Variants in NDC1 observed in about 807,000 individuals in gnomAD.
NDC1 encodes the protein nucleoporin NDC1.
NDC1 carries 24 observed loss-of-function variants against 89.8 expected under a neutral mutation model. The observed-to-expected ratio is 0.27, with a 90% CI of 0.19 to 0.38. The LOEUF (loss-of-function observed/expected upper bound fraction) is 0.38. Among genes scored for constraint, NDC1 ranks in the 10% least tolerant of loss-of-function variants. The pLI, the probability that NDC1 is intolerant of heterozygous loss-of-function variation, is 1.00. For missense variants in NDC1, 728 were observed against 797.6 expected, an observed-to-expected ratio of 0.91 and a Z score of 1.05; for synonymous variants, 296 against 284.8, an observed-to-expected ratio of 1.04 and a Z score of -0.39.
At chr1:53,823,048 GTCT>G (rs1648728278) in intron 5 of NDC1, among the ~76,000 whole-genome samples, 1 of 152,058 alleles carries the variant, frequency 6.6e-6, no homozygotes, top group African/African-American at 2.4e-5. Flanking sequence ...CTCCCTCTTA[GTCT>G]TCTCGGGAGG....
intron 1 of NDC1, 105 bp downstream of exon 1, chr1:53,838,100 G>A: frequency 6.7e-6 from 7 of 1,042,830 alleles, no homozygotes; most frequent in Non-Finnish European, 9.7e-6. Context: ...TTCTCTCCAC[G>A]CTGCCCCGGG....
intron 6 of NDC1, among the ~76,000 whole-genome samples, chr1:53,818,397 C>T (rs908584472): frequency 4.6e-5 from 7 of 151,106 alleles, no homozygotes; most frequent in Non-Finnish European, 8.8e-5. Context: ...GCCAAGATCG[C>T]GCCATTACGC....
chr1:53,789,081 AATATT>A, intron 15 of NDC1, 47 bp downstream of exon 15: 3 of 1,158,984 alleles, frequency 2.6e-6, no homozygotes, highest in Non-Finnish European at 3.9e-6. Flanking sequence ...ATTATACTTC[AATATT>A]TAACTGACAA....
rs763801270 is a variant in NDC1 at position 53,767,922 on chromosome 1, A to G, written c.*48T>C. ...AAGAATGCTGAACATTTACTGTCCC[A>G]TCTGTAGTTGTATCAGCAGTGTAAT... On this transcript the variant is annotated 3_prime_UTR_variant, in exon 18 of 18. Coordinates refer to ENST00000371429, the MANE Select transcript of NDC1 (RefSeq NM_018087.5). 1.7e-6 allele frequency: 2 copies of G among 1,145,962 alleles called. No individual in the cohort carries two copies. Among genetic ancestry groups the G allele is most frequent in the Non-Finnish European group, 2.5e-6 (2 of 784,648 alleles). The allele number at this position is 1,145,962 out of a possible 1,614,324, so 71.0% of individuals were successfully genotyped here. A position where few individuals can be genotyped will look rare whatever the true frequency, so the allele number is the denominator to read the frequency against.
intron 5 of NDC1, among the ~76,000 whole-genome samples, chr1:53,823,854 T>A (rs948371176): frequency 2.6e-5 from 4 of 152,144 alleles, no homozygotes; most frequent in Admixed American, 2.6e-4. Flanking sequence ...TCCTTTTCAG[T>A]GGGCACCATC....
chr1:53,837,741 G>A (rs369685686), intron 1 of NDC1, among the ~76,000 whole-genome samples: 12 of 152,248 alleles, frequency 7.9e-5, no homozygotes, highest in African/African-American at 2.9e-4. Context: ...CTTTAAGGAG[G>A]AAGTACTATT....
chr1:53,834,120 C>T (rs745475973), intron 2 of NDC1, among the ~76,000 whole-genome samples: 5 of 152,212 alleles, frequency 3.3e-5, no homozygotes, highest in Non-Finnish European at 7.3e-5. Context: ...TACTAAGCAT[C>T]TACAATTAAA....
intron 5 of NDC1, among the ~76,000 whole-genome samples, chr1:53,824,071 C>T (rs1246164051): frequency 6.6e-6 from 1 of 151,428 alleles, no homozygotes; most frequent in African/African-American, 2.4e-5. Context: ...CCCCACTCTA[C>T]AAAAAATACA....
At position 53,838,222 on chromosome 1, in the gene NDC1, G is replaced by A. The variant is rs1459859746; in HGVS notation, c.40C>T (p.Arg14Trp). The change falls in exon 1 of 18, where the codon CGG (arginine) becomes TGG (tryptophan). Residue 14 changes from arginine to tryptophan, a missense_variant. Arg to Trp is a moderately radical substitution (Grantham distance 101). Coordinates refer to ENST00000371429, the MANE Select transcript of NDC1 (RefSeq NM_018087.5). The stretch of plus-strand genomic sequence containing the variant: ...GCACTCACGCGCCACAGTATGTCCC[G>A]CGACCTGCCGGCGCAGGGCCGGCTC... ...AVSRPCAGRS[R>W]DILWRVLGWR... 3 of 1,535,920 alleles carry A rather than the reference G, an allele frequency of 2.0e-6. No individual in the cohort carries two copies. The highest frequency in any genetic ancestry group is 2.6e-6 in the Non-Finnish European group (3 of 1,145,948).
At chr1:53,804,356 T>C (rs1296743510) in intron 9 of NDC1, among the ~76,000 whole-genome samples, 1 of 152,244 alleles carries the variant, frequency 6.6e-6, no homozygotes. Context: ...CATCATGTAT[T>C]GTAATTGAAT....
chr1:53,818,692 AC>A (rs1391737431), intron 6 of NDC1, among the ~76,000 whole-genome samples: 1 of 152,154 alleles, frequency 6.6e-6, no homozygotes, highest in Non-Finnish European at 1.5e-5. Context: ...GGCTTATTTC[AC>A]TTAGCGTAAT....
intron 17 of NDC1, chr1:53,771,041 T>A (rs1570149617): frequency 6.5e-6 from 1 of 153,952 alleles, no homozygotes; most frequent in Admixed American, 6.5e-5. Context: ...CTGCTATTTA[T>A]CCAGCCACTG....
intron 11 of NDC1, among the ~76,000 whole-genome samples, chr1:53,798,632 G>C (rs899462844): frequency 2.0e-5 from 3 of 147,786 alleles, no homozygotes; most frequent in Non-Finnish European, 4.4e-5. Context: ...TCAGCTCACT[G>C]CAACCTCCAC....
intron 6 of NDC1, among the ~76,000 whole-genome samples, chr1:53,814,987 C>T (rs1205813988): frequency 6.6e-6 from 1 of 152,040 alleles, no homozygotes; most frequent in Non-Finnish European, 1.5e-5. Context: ...AAAAAAAAGT[C>T]CAGGACCAGA....
chr1:53,825,331 C>T (rs1418682002), intron 5 of NDC1, among the ~76,000 whole-genome samples: 2 of 151,624 alleles, frequency 1.3e-5, no homozygotes, highest in African/African-American at 4.9e-5. Context: ...CAAAAATGAA[C>T]TGGGCGTGAT....
intron 11 of NDC1, among the ~76,000 whole-genome samples, chr1:53,797,382 C>T (rs752673978): frequency 2.0e-5 from 3 of 152,162 alleles, no homozygotes; most frequent in Non-Finnish European, 4.4e-5. Flanking sequence ...TTTTTCCCCC[C>T]CCATGAATAT....
intron 5 of NDC1, among the ~76,000 whole-genome samples, chr1:53,822,254 A>T (rs1041118840): frequency 2.0e-5 from 3 of 152,158 alleles, no homozygotes; most frequent in African/African-American, 7.2e-5. Flanking sequence ...GAATTACTTG[A>T]ACCTGGGAGG....
At chr1:53,821,934 T>C (rs1028530973) in intron 5 of NDC1, among the ~76,000 whole-genome samples, 1 of 152,278 alleles carries the variant, frequency 6.6e-6, no homozygotes, top group African/African-American at 2.4e-5. Flanking sequence ...ACTAACAGTC[T>C]GCTTTTCCCT....
rs952421607 is a variant in NDC1, at chr1:53,778,412, T to C, written c.1801-5923A>G. ...GCAAGTCAAACTAGTTTTCCTTTAC[T>C]ATAGTCATAAAATTTCCTTTACAGT... On this transcript the variant is annotated intron_variant, in intron 16 of 17. Transcript: ENST00000371429. 2.6e-5 allele frequency among the ~76,000 whole-genome samples: 4 copies of C among 152,310 alleles called. No homozygotes were observed. The South Asian group carries it at 6.2e-4, about 24-fold the overall frequency.
Sources: gnomAD v4.1 joint callset for allele counts (sites outside exome capture counted in the v4.1 genomes callset) on GRCh38, gnomAD v4.1.1 for gene constraint, MANE v1.5 for transcripts, NCBI Gene and HGNC (gene_info 2026-07-23, HGNC 2026-07-21) for gene names.